ACACA: variants seen among roughly 807,000 people sequenced by gnomAD.
ACACA encodes the protein acetyl-CoA carboxylase 1.
Under a neutral mutation model 296.1 loss-of-function variants are expected in ACACA, and 103 were observed. That is an observed-to-expected ratio of 0.35 (90% CI 0.30 to 0.41). The LOEUF (loss-of-function observed/expected upper bound fraction) is 0.41, where lower values mean the gene tolerates loss of function less well. Ranked by LOEUF, ACACA falls within the 10% of genes least tolerant of loss-of-function variation. ACACA has a pLI of 1.00. For missense variants in ACACA, 1,554 were observed against 2,989.7 expected (o/e 0.52, Z 11.20); for synonymous variants, 953 against 1,038.6 (o/e 0.92, Z 1.58).
chr17:37,401,496 C>T (rs569954862), intron 1 of ACACA, among the ~76,000 whole-genome samples: 12 of 151,900 alleles, frequency 7.9e-5, no homozygotes, highest in African/African-American at 2.9e-4. Flanking sequence ...TTTTCAGGCC[C>T]TTGTCCACTT....
intron 3 of ACACA, among the ~76,000 whole-genome samples, chr17:37,305,232 A>G (rs895959948): frequency 1.3e-5 from 2 of 152,174 alleles, no homozygotes; most frequent in African/African-American, 2.4e-5. Flanking sequence ...TTGGATTCTG[A>G]TTTCTTTCAC....
chr17:37,169,931 C>G (rs1285944711), intron 41 of ACACA, among the ~76,000 whole-genome samples: 1 of 152,156 alleles, frequency 6.6e-6, no homozygotes, highest in Non-Finnish European at 1.5e-5. Context: ...GGTTTATGGT[C>G]TAATGAGTTT....
intron 42 of ACACA, among the ~76,000 whole-genome samples, chr17:37,159,236 G>GT (rs936097318): frequency 1.0e-4 from 15 of 150,724 alleles, no homozygotes; most frequent in African/African-American, 9.8e-5. Flanking sequence ...GGTTTTTAAA[G>GT]TTTTTTTTTA....
intron 1 of ACACA, among the ~76,000 whole-genome samples, chr17:37,354,126 T>C (rs2049028123): frequency 6.6e-6 from 1 of 152,170 alleles, no homozygotes; most frequent in Non-Finnish European, 1.5e-5. Flanking sequence ...GAAAATAATT[T>C]ATACAATTTT....
chr17:37,300,972 T>G (rs2083589722), intron 3 of ACACA, among the ~76,000 whole-genome samples: 1 of 152,338 alleles, frequency 6.6e-6, no homozygotes, highest in African/African-American at 2.4e-5. Context: ...GAAAGTTCAG[T>G]AGCCACAGAT....
intron 3 of ACACA, among the ~76,000 whole-genome samples, chr17:37,325,700 G>A (rs1036246968): frequency 1.4e-5 from 2 of 141,538 alleles, no homozygotes; most frequent in East Asian, 2.3e-4. Flanking sequence ...TCAGCCTCTC[G>A]ACTGGCTGGA....
intron 11 of ACACA, among the ~76,000 whole-genome samples, chr17:37,260,282 ATATATATATATATATTTTT>A (rs1424503847): frequency 0.029 from 1,021 of 35,590 alleles, 98 homozygotes; most frequent in East Asian, 0.2. Flanking sequence ...ATATATATAT[ATATATATATATATATTTTT>A]TTTTTTTTTT....
intron 28 of ACACA, among the ~76,000 whole-genome samples, chr17:37,222,879 T>C (rs1237755117): frequency 5.3e-5 from 8 of 152,236 alleles, no homozygotes; most frequent in African/African-American, 1.4e-4. Flanking sequence ...TAGTGTGCTG[T>C]AGCGGAAACA....
At position 37,339,842 on chromosome 17, in the gene ACACA, C is replaced by T. The variant is rs1489833530; in HGVS notation, c.47G>A (p.Trp16Ter). The change falls in exon 2 of 56, where the codon TGG becomes TAG. Residue 16 changes from tryptophan (W) to a stop codon, truncating the protein, a stop_gained. Coordinates refer to ENST00000616317, the MANE Select transcript of ACACA (RefSeq NM_198834.3). LOFTEE classifies it high-confidence loss of function. ...TACTGTCTGAGTAGATATCCACTTCCAAAAAGACCTAGAGAGAAAGAGAAA... is the reference window on the plus strand; with the variant it reads ...TACTGTCTGAGTAGATATCCACTTCTAAAAAGACCTAGAGAGAAAGAGAAA... Reference protein sequence around the residue: ...LMSILRARSFWKWISTQTVRI... With the variant: ...LMSILRARSF 7.6e-7 allele frequency: 1 copy of T among 1,309,166 alleles called. No homozygotes were observed. Among genetic ancestry groups the T allele is most frequent in the Admixed American group, 1.8e-5 (1 of 55,180 alleles). 81.1% of individuals were successfully genotyped at this position (1,309,166 alleles called of 1,614,324 possible).
intron 3 of ACACA, among the ~76,000 whole-genome samples, chr17:37,319,373 T>TA (rs1305137826): frequency 1.3e-5 from 2 of 152,126 alleles, no homozygotes; most frequent in Non-Finnish European, 2.9e-5. Context: ...GACCTCATTT[T>TA]AGTAAAAAAA....
intron 3 of ACACA, among the ~76,000 whole-genome samples, chr17:37,290,464 C>G (rs1207701511): frequency 2.0e-5 from 3 of 152,192 alleles, no homozygotes; most frequent in Non-Finnish European, 1.5e-5. Flanking sequence ...TCTTCACATG[C>G]ACTGGCATAT....
intron 10 of ACACA, 60 bp from the exon 11 acceptor site, chr17:37,263,954 C>T (rs1876957244): frequency 1.2e-5 from 17 of 1,373,380 alleles, no homozygotes; most frequent in Non-Finnish European, 1.7e-5. Flanking sequence ...TTTTATCTAT[C>T]TTGATAAGCT....
At chr17:37,129,249 GGTACTTA>G (rs758659776) in intron 47 of ACACA, 109 bp downstream of exon 47, 1 of 1,408,766 alleles carries the variant, frequency 7.1e-7, no homozygotes, top group Non-Finnish European at 1.0e-6. Context: ...CTCATTTCTA[GGTACTTA>G]CCTCTGTTTT....
intron 2 of ACACA, among the ~76,000 whole-genome samples, chr17:37,331,900 TAA>T (rs75014763): frequency 1.4e-5 from 2 of 143,902 alleles, no homozygotes; most frequent in East Asian, 4.0e-4. Flanking sequence ...AATTTTTAAT[TAA>T]AAAAAAAAAA....
At chr17:37,089,901 C>T (rs1480532387) in intron 54 of ACACA, among the ~76,000 whole-genome samples, 1 of 152,066 alleles carries the variant, frequency 6.6e-6, no homozygotes, top group East Asian at 1.9e-4. Flanking sequence ...TAATGGTTTC[C>T]GGAAAACCAA....
chr17:37,202,254 T>C (rs1472967562), intron 33 of ACACA, among the ~76,000 whole-genome samples: 1 of 152,208 alleles, frequency 6.6e-6, no homozygotes, highest in Admixed American at 6.5e-5. Flanking sequence ...AATGCCATGA[T>C]TTAAAATCAA....
In ACACA at chr17:37,085,641, C is replaced by G. The variant is rs963440149; in HGVS notation, c.*1675G>C. On this transcript the variant is annotated 3_prime_UTR_variant, in exon 56 of 56. Coordinates refer to ENST00000616317, the MANE Select transcript of ACACA (RefSeq NM_198834.3). ...TGAACACCTGTACCTTCCACCAGGG[C>G]AGCCGGGCTGAGGCTCTGACTCCTG... 11 of 399,160 alleles carry G rather than the reference C, an allele frequency of 2.8e-5. No homozygotes were observed. Among genetic ancestry groups the G allele is most frequent in the African/African-American group, 2.3e-4 (11 of 48,730 alleles). 24.7% of individuals were successfully genotyped at this position (399,160 alleles called of 1,614,324 possible).
chr17:37,223,518 A>G lies in ACACA; in HGVS notation c.3558T>C (p.Ala1186=). The part of the protein sequence containing the change: ...YHSNQVVRMA[A]LEVYVRRAYI... ...CATTACCATAAATACTTACCTCCAGAGCTGCCATCCTCACTACTTGGTTGC... is the reference window on the plus strand; with the variant it reads ...CATTACCATAAATACTTACCTCCAGGGCTGCCATCCTCACTACTTGGTTGC... Residue 1186 remains alanine (A), a synonymous_variant, in exon 28 of 56, where the codon GCT becomes GCC. Coordinates refer to ENST00000616317, the MANE Select transcript of ACACA (RefSeq NM_198834.3). The G allele has an allele frequency of 6.2e-7, 1 of 1,603,600 alleles. No individual in the cohort carries two copies.
chr17:37,391,830 T>G (rs1042621729), intron 1 of ACACA: 7 of 1,034,534 alleles, frequency 6.8e-6, no homozygotes, highest in Non-Finnish European at 7.4e-6. Context: ...GCAGGGACAT[T>G]ACAATCAAAC....
Sources: allele counts gnomAD v4.1 joint callset (sites outside exome capture counted in the v4.1 genomes callset), GRCh38; gene constraint gnomAD v4.1.1; transcripts MANE v1.5; gene names NCBI Gene and HGNC (gene_info 2026-07-23, HGNC 2026-07-21).